HELZ: variants seen among roughly 807,000 people sequenced by gnomAD.
HELZ encodes the protein helicase with zinc finger, also known as ATP-dependent RNA helicase with zinc finger domain.
Under a neutral mutation model 218.2 loss-of-function variants are expected in HELZ, and 23 were observed. The observed-to-expected ratio is 0.11, with a 90% confidence interval of 0.08 to 0.15. HELZ has a LOEUF of 0.15. Among genes scored for constraint, HELZ ranks in the 10% least tolerant of loss-of-function variants. The pLI is 1.00. For synonymous variants in HELZ, 814 were observed against 829.4 expected, an observed-to-expected ratio of 0.98 and a Z score of 0.32; for missense variants, 1,813 against 2,353.7, an observed-to-expected ratio of 0.77 and a Z score of 4.75.
chr17:67,091,653 T>C (rs1450752066), intron 31 of HELZ, among the ~76,000 whole-genome samples: 1 of 152,192 alleles, frequency 6.6e-6, no homozygotes, highest in Non-Finnish European at 1.5e-5. Context: ...CTGGATATTA[T>C]GTACATCTTT....
chr17:67,236,509 G>A (rs915613758), intron 3 of HELZ, among the ~76,000 whole-genome samples: 6 of 152,042 alleles, frequency 3.9e-5, no homozygotes, highest in Non-Finnish European at 8.8e-5. Flanking sequence ...CCAGACAGCA[G>A]TATAAATACT....
rs2035982438 is a variant in HELZ at position 67,075,037 on chromosome 17, A to G, written c.*3215T>C. On this transcript the variant is annotated 3_prime_UTR_variant, in exon 33 of 33. Transcript: ENST00000358691. ...CTGCTATAACAATTTGGCAAAGCAT[A>G]TGCCCAAATGACAACCAAAACCCCC... is the stretch of plus-strand genomic sequence containing the variant. 1 of 152,184 alleles carries G rather than the reference A, an allele frequency of 6.6e-6. No homozygotes were observed. The highest frequency in any genetic ancestry group is 2.4e-5 in the African/African-American group (1 of 41,462). The allele number at this position is 152,184 out of a possible 1,614,324, so 9.4% of individuals were successfully genotyped here. A position where few individuals can be genotyped will look rare whatever the true frequency, so the allele number is the denominator to read the frequency against.
At chr17:67,239,898 A>G (rs762682358) in intron 2 of HELZ, 3 of 152,218 alleles carry the variant, frequency 2.0e-5, no homozygotes, top group Non-Finnish European at 2.9e-5. Flanking sequence ...CCTTTGTAAA[A>G]TGGAAATAAC....
At chr17:67,184,233 C>A (rs1405022988) in intron 12 of HELZ, among the ~76,000 whole-genome samples, 1 of 152,214 alleles carries the variant, frequency 6.6e-6, no homozygotes, top group Non-Finnish European at 1.5e-5. Context: ...CTGAGCTACA[C>A]TGTCTCTAAG....
chr17:67,082,516 G>A (rs1433281193), intron 32 of HELZ, among the ~76,000 whole-genome samples: 2 of 152,154 alleles, frequency 1.3e-5, no homozygotes, highest in Admixed American at 6.5e-5. Flanking sequence ...TTTAGCTTTA[G>A]TATTTTATTT....
chr17:67,130,900 C>T (rs202005164), intron 23 of HELZ, among the ~76,000 whole-genome samples: 1 of 152,068 alleles, frequency 6.6e-6, no homozygotes, highest in African/African-American at 2.4e-5. Flanking sequence ...TTTGTTTTTT[C>T]AGAGACAGGG....
intron 17 of HELZ, among the ~76,000 whole-genome samples, chr17:67,152,642 T>C (rs2038720101): frequency 1.3e-5 from 2 of 151,834 alleles, no homozygotes; most frequent in African/African-American, 4.8e-5. Context: ...CAAGTGGATA[T>C]ATCCAGTAAG....
chr17:67,122,906 A>T, intron 26 of HELZ, 64 bp downstream of exon 26: 3 of 1,233,720 alleles, frequency 2.4e-6, no homozygotes, highest in Non-Finnish European at 3.4e-6. Context: ...ATTTGGGATT[A>T]GAACCATTTT....
At chr17:67,245,582 G>T (rs2041462671), upstream of HELZ, 2 of 947,030 alleles carry the variant, frequency 2.1e-6, no homozygotes, top group Non-Finnish European at 2.5e-6. Context: ...GCGCGTGGAT[G>T]TGAGCGTTTC....
At chr17:67,245,618 A>G, upstream of HELZ, 1 of 766,712 alleles carries the variant, frequency 1.3e-6, no homozygotes, top group Non-Finnish European at 1.6e-6. Context: ...GCTTCCAGGA[A>G]GCCCGCGAGC....
chr17:67,190,213 T>C lies in HELZ; in HGVS notation c.700A>G (p.Ser234Gly), dbSNP rs2039856928. 1 of 1,613,946 alleles carries C rather than the reference T, an allele frequency of 6.2e-7. No individual in the cohort carries two copies. Among genetic ancestry groups the C allele is most frequent in the African/African-American group, 1.3e-5 (1 of 74,932 alleles). ...TTTTCTATCAAGGTTTCCATGTAACTGCCTGAGAGCTGTTTATTCTCATTT... is the reference window on the plus strand; with the variant it reads ...TTTTCTATCAAGGTTTCCATGTAACCGCCTGAGAGCTGTTTATTCTCATTT... Reference protein sequence around the residue: ...QQNENKQLSGSYMETLIEKWM... With the variant: ...QQNENKQLSGGYMETLIEKWM... The change falls in exon 10 of 33, where the codon AGT becomes GGT. Residue 234 changes from serine (S) to glycine (G), a missense_variant. Physicochemically the swap from Ser to Gly is moderately conservative, Grantham distance 56 (BLOSUM62 0). Around this residue, in one of 4 missense-constraint regions of HELZ, gnomAD observed 714 missense variants for 1,029.2 expected, o/e 0.69. Coordinates refer to ENST00000358691, the MANE Select transcript of HELZ (RefSeq NM_014877.4).
chr17:67,231,642 C>T (rs2041040100), intron 3 of HELZ, among the ~76,000 whole-genome samples: 1 of 150,254 alleles, frequency 6.7e-6, no homozygotes, highest in South Asian at 2.1e-4. Flanking sequence ...TTACATTTGA[C>T]AAACGTGCCG....
chr17:67,177,713 T>C (rs1008217737), intron 13 of HELZ, among the ~76,000 whole-genome samples: 1 of 151,586 alleles, frequency 6.6e-6, no homozygotes, highest in Non-Finnish European at 1.5e-5. Flanking sequence ...TAATGAAAAA[T>C]AGATTCCATC....
chr17:67,193,548 T>C (rs541522379), intron 9 of HELZ, among the ~76,000 whole-genome samples: 3 of 151,980 alleles, frequency 2.0e-5, no homozygotes, highest in Non-Finnish European at 2.9e-5. Context: ...AAACCCTGTC[T>C]CTACTAAACA....
At chr17:67,081,880 A>C (rs1325879194) in intron 32 of HELZ, among the ~76,000 whole-genome samples, 1 of 152,028 alleles carries the variant, frequency 6.6e-6, no homozygotes. Context: ...ACCAAAAGAC[A>C]CTTAAAAATA....
intron 28 of HELZ, 86 bp downstream of exon 28, chr17:67,114,238 G>A: frequency 1.2e-6 from 1 of 848,790 alleles, no homozygotes; most frequent in East Asian, 2.4e-5. Flanking sequence ...TGTACAAAGG[G>A]AGGTATTTTT....
At chr17:67,207,618 T>G (rs1461890477) in intron 5 of HELZ, among the ~76,000 whole-genome samples, 5 of 152,210 alleles carry the variant, frequency 3.3e-5, no homozygotes, top group African/African-American at 1.2e-4. Flanking sequence ...TTCCTAAAAA[T>G]TTTTTTCATT....
chr17:67,198,645 T>C (rs59762622), intron 7 of HELZ, among the ~76,000 whole-genome samples: 11,670 of 152,282 alleles, frequency 0.077, 1,481 homozygotes, highest in African/African-American at 0.26. Context: ...TACTAAAGAA[T>C]ACTTGTTTTT....
intron 21 of HELZ, among the ~76,000 whole-genome samples, chr17:67,142,798 C>T (rs1334642509): frequency 6.6e-6 from 1 of 151,818 alleles, no homozygotes; most frequent in Non-Finnish European, 1.5e-5. Flanking sequence ...GCTCTGTCAC[C>T]CAGGCTACAG....
Sources: gnomAD v4.1 joint callset for allele counts (sites outside exome capture counted in the v4.1 genomes callset) on GRCh38, gnomAD v4.1.1 for gene constraint, gnomAD v4.1.1 regional missense constraint, MANE v1.5 for transcripts, NCBI Gene and HGNC (gene_info 2026-07-23, HGNC 2026-07-21) for gene names.